The following DNAJC16 variants were observed in gnomAD, a reference collection of about 807,000 sequenced individuals.
The protein encoded by DNAJC16 is DnaJ heat shock protein family (Hsp40) member C16, also known as dnaJ homolog subfamily C member 16.
DNAJC16 carries 76 observed loss-of-function variants against 92.7 expected under a neutral mutation model. The ratio of observed to expected loss-of-function variants is 0.82; its 90% CI spans 0.68 to 0.99. The LOEUF is 0.99. DNAJC16 is among the 50% of genes least tolerant of loss of function. The pLI is 0.00. For missense variants in DNAJC16, 869 were observed against 942.4 expected, an observed-to-expected ratio of 0.92 and a Z score of 1.02; for synonymous variants, 328 against 358.7, an observed-to-expected ratio of 0.91 and a Z score of 0.97.
At chr1:15,527,677 T>A (rs1263586319) in intron 1 of DNAJC16, among the ~76,000 whole-genome samples, 2 of 152,192 alleles carry the variant, frequency 1.3e-5, no homozygotes, top group African/African-American at 4.8e-5. Context: ...CTGGTTTGTT[T>A]TAGGATTTTA....
intron 4 of DNAJC16, 133 bp from the exon 5 acceptor site, chr1:15,544,266 C>T (rs550828481): frequency 1.4e-5 from 12 of 850,836 alleles, no homozygotes; most frequent in African/African-American, 8.6e-5. Context: ...TGAAAGAATG[C>T]TAGACAGTCT....
chr1:15,531,133 G>A (rs1450194529), intron 2 of DNAJC16, among the ~76,000 whole-genome samples: 1 of 152,180 alleles, frequency 6.6e-6, no homozygotes. Context: ...ATGAGTAAGG[G>A]TGAGTGGGCT....
At chr1:15,559,008 C>T (rs890055500) in intron 7 of DNAJC16, among the ~76,000 whole-genome samples, 7 of 152,140 alleles carry the variant, frequency 4.6e-5, no homozygotes, top group Non-Finnish European at 7.3e-5. Flanking sequence ...GGCGTGATCT[C>T]GGCTCACTGC....
At chr1:15,536,975 C>T (rs1160547530) in intron 4 of DNAJC16, among the ~76,000 whole-genome samples, 161 bp downstream of exon 4, 3 of 152,010 alleles carry the variant, frequency 2.0e-5, no homozygotes, top group South Asian at 2.1e-4. Context: ...CTCAACCTCC[C>T]GAGTAGTTGG....
Position 15,568,437 on chromosome 1 carries a change from T to G in DNAJC16, c.*260T>G, listed in dbSNP as rs547812116. The G allele has an allele frequency of 2.3e-5, 12 of 528,266 alleles. No individual in the cohort carries two copies. In the East Asian group the frequency reaches 3.3e-4, roughly 14 times the overall value. The allele number at this position is 528,266 out of a possible 1,614,324, so 32.7% of individuals were successfully genotyped here. A position where few individuals can be genotyped will look rare whatever the true frequency, so the allele number is the denominator to read the frequency against. ...GAATGCCACACCATTGAAAATAGAC[T>G]GCTCATCCCCTCTTCCTTTCTTGTC... On this transcript the variant is annotated 3_prime_UTR_variant, in exon 15 of 15. Coordinates refer to ENST00000375847, the MANE Select transcript of DNAJC16 (RefSeq NM_015291.4).
At chr1:15,531,500 C>T (rs1369366053) in intron 2 of DNAJC16, among the ~76,000 whole-genome samples, 2 of 152,174 alleles carry the variant, frequency 1.3e-5, no homozygotes, top group Non-Finnish European at 2.9e-5. Context: ...TATAAATCTG[C>T]AGCAAATTCA....
At chr1:15,546,649 C>A in intron 5 of DNAJC16, 118 bp from the exon 6 acceptor site, 1 of 725,398 alleles carries the variant, frequency 1.4e-6, no homozygotes, top group Non-Finnish European at 2.2e-6. Context: ...TAGTTATCTG[C>A]ATTTTTATTT....
chr1:15,559,001 G>A (rs560562979), intron 7 of DNAJC16, among the ~76,000 whole-genome samples: 13 of 152,256 alleles, frequency 8.5e-5, no homozygotes, highest in Admixed American at 2.0e-4. Flanking sequence ...GTGCAGTGGC[G>A]TGATCTCGGC....
intron 6 of DNAJC16, 45 bp downstream of exon 6, chr1:15,546,916 T>TTTTC: frequency 2.5e-5 from 3 of 122,180 alleles, no homozygotes; most frequent in Non-Finnish European, 4.7e-5. Flanking sequence ...TTTTCTTTTC[T>TTTTC]TTTTTTTTTT....
chr1:15,533,237 C>A (rs958674537), intron 2 of DNAJC16, among the ~76,000 whole-genome samples: 6 of 152,332 alleles, frequency 3.9e-5, no homozygotes, highest in African/African-American at 1.2e-4. Flanking sequence ...GTAGCTCACA[C>A]CTGTAATCCC....
At chr1:15,548,466 T>A (rs2295626) in intron 7 of DNAJC16, 38 bp downstream of exon 7, 483,245 of 1,551,376 alleles carry the variant, frequency 0.31, 78,273 homozygotes, top group East Asian at 0.57. Context: ...TTTCTTCACA[T>A]TTTATCCCAA....
chr1:15,529,055 C>T, intron 1 of DNAJC16, 33 bp from the exon 2 acceptor site: 1 of 1,591,804 alleles, frequency 6.3e-7, no homozygotes. Context: ...AGGTTTCTGC[C>T]ACTGAAACTC....
At position 15,567,862 on chromosome 1, in the gene DNAJC16, A is replaced by T; in HGVS notation, c.2034A>T (p.Ala678=). The change falls in exon 15 of 15, where the codon GCA becomes GCT. Residue 678 remains alanine, a synonymous_variant. Transcript: ENST00000375847. ...LEYLLEFAQD[A]APIPNQYDKH... ...ACTTACTAGAATTTGCTCAAGATGC[A>T]GCTCCAATCCCAAACCAATATGATA... 1 of 1,614,240 alleles carries T rather than the reference A, an allele frequency of 6.2e-7. No homozygotes were observed. Among genetic ancestry groups the T allele is most frequent in the Non-Finnish European group, 8.5e-7 (1 of 1,180,040 alleles).
chr1:15,553,557 C>G (rs1040483272), intron 7 of DNAJC16, among the ~76,000 whole-genome samples: 8 of 152,072 alleles, frequency 5.3e-5, no homozygotes, highest in Non-Finnish European at 1.2e-4. Context: ...TTATGATACT[C>G]ACATTTTAAA....
At chr1:15,531,501 A>G (rs1164976188) in intron 2 of DNAJC16, among the ~76,000 whole-genome samples, 2 of 152,242 alleles carry the variant, frequency 1.3e-5, no homozygotes, top group Non-Finnish European at 2.9e-5. Flanking sequence ...ATAAATCTGC[A>G]GCAAATTCAT....
intron 2 of DNAJC16, among the ~76,000 whole-genome samples, chr1:15,532,697 A>AT (rs1276572782): frequency 2.2e-5 from 3 of 133,618 alleles, no homozygotes; most frequent in Non-Finnish European, 4.9e-5. Flanking sequence ...TTTTGTTGGT[A>AT]TTTTTGTGTT....
rs1221195783 is a variant in DNAJC16 at position 15,563,884 on chromosome 1, C to A, written c.1339-45C>A. On this transcript the variant is annotated intron_variant, in intron 9 of 14. Coordinates refer to ENST00000375847, the MANE Select transcript of DNAJC16 (RefSeq NM_015291.4). ...AAAAAGCAAACAACTGTAACTTAACCATGCTTTTGAAACTTCTGATGTTTT... is the reference window on the plus strand; with the variant it reads ...AAAAAGCAAACAACTGTAACTTAACAATGCTTTTGAAACTTCTGATGTTTT... 18 of 1,528,658 alleles carry A rather than the reference C, an allele frequency of 1.2e-5. No individual in the cohort carries two copies. The South Asian group carries it at 1.4e-4, about 12-fold the overall frequency. The allele number at this position is 1,528,658 out of a possible 1,614,324, so 94.7% of individuals were successfully genotyped here.
At chr1:15,567,454 G>A (rs746072017) in intron 14 of DNAJC16, among the ~76,000 whole-genome samples, 185 bp downstream of exon 14, 3 of 152,142 alleles carry the variant, frequency 2.0e-5, no homozygotes, top group African/African-American at 4.8e-5. Flanking sequence ...ACTTCACTTC[G>A]TGTTTTGTTG....
chr1:15,538,887 G>A (rs528109966), intron 4 of DNAJC16, among the ~76,000 whole-genome samples: 5 of 152,134 alleles, frequency 3.3e-5, no homozygotes, highest in Non-Finnish European at 5.9e-5. Context: ...GCATCTTGTG[G>A]TTAGTGTACC....
Sources: allele counts gnomAD v4.1 joint callset (sites outside exome capture counted in the v4.1 genomes callset), GRCh38; gene constraint gnomAD v4.1.1; transcripts MANE v1.5; gene names NCBI Gene and HGNC (gene_info 2026-07-23, HGNC 2026-07-21).